The following SPTY2D1 variants were observed in gnomAD, a reference collection of about 807,000 sequenced individuals.
SPTY2D1 encodes protein SPT2 homolog.
SPTY2D1 carries 21 observed loss-of-function variants against 64.0 expected under a neutral mutation model. The observed-to-expected ratio is 0.33, with a 90% confidence interval of 0.23 to 0.47. SPTY2D1 has a LOEUF of 0.47. Among genes scored for constraint, SPTY2D1 ranks in the 20% least tolerant of loss-of-function variants. The pLI is 1.00. For synonymous variants in SPTY2D1, 287 were observed against 286.8 expected (o/e 1.00, Z -0.01); for missense variants, 724 against 837.2 (o/e 0.86, Z 1.67).
At chr11:18,620,804 G>A (rs974449601) in intron 1 of SPTY2D1, among the ~76,000 whole-genome samples, 4 of 147,228 alleles carry the variant, frequency 2.7e-5, no homozygotes, top group Non-Finnish European at 4.5e-5. Flanking sequence ...GGAGAATGGC[G>A]TGAACCTGGG....
chr11:18,610,094 C>T, intron 5 of SPTY2D1, 140 bp from the exon 6 acceptor site: 1 of 633,124 alleles, frequency 1.6e-6, no homozygotes, highest in Non-Finnish European at 2.6e-6. Context: ...CCACTGAAAA[C>T]AAACTAGCAG....
chr11:18,629,696 G>C (rs551110414), intron 1 of SPTY2D1, among the ~76,000 whole-genome samples: 236 of 152,196 alleles, frequency 1.6e-3, no homozygotes, highest in African/African-American at 5.5e-3. Context: ...TCATCACCTT[G>C]ATCAGCAGTT....
chr11:18,617,251 T>C (rs1378507836), intron 1 of SPTY2D1, among the ~76,000 whole-genome samples: 1 of 152,216 alleles, frequency 6.6e-6, no homozygotes, highest in Non-Finnish European at 1.5e-5. Context: ...AACACTGTTT[T>C]CAGGCTATTT....
rs186900982 is a variant in SPTY2D1 at position 18,609,198 on chromosome 11, A to G, written c.*663T>C. ...TAGAAAAGAATATTATACTGTTATA[A>G]CCTGTATTTTAACTTGAAAATTTTT... On this transcript the variant is annotated 3_prime_UTR_variant, in exon 6 of 6. Coordinates refer to ENST00000336349, the MANE Select transcript of SPTY2D1 (RefSeq NM_194285.3). The G allele has an allele frequency of 1.3e-5, 2 of 152,490 alleles. No individual in the cohort carries two copies. The highest frequency in any genetic ancestry group is 4.8e-5 in the African/African-American group (2 of 41,576). 9.4% of individuals were successfully genotyped at this position (152,490 alleles called of 1,614,324 possible).
At position 18,612,536 on chromosome 11, in the gene SPTY2D1, A is replaced by AT; in HGVS notation, c.1712-49dup. 6.8e-7 allele frequency: 1 copy of AT among 1,468,400 alleles called. No individual in the cohort carries two copies. The highest frequency in any genetic ancestry group is 9.1e-7 in the Non-Finnish European group (1 of 1,098,068). The allele number at this position is 1,468,400 out of a possible 1,614,324, so 91.0% of individuals were successfully genotyped here. On this transcript the variant is annotated intron_variant, in intron 3 of 5. Coordinates refer to ENST00000336349, the MANE Select transcript of SPTY2D1 (RefSeq NM_194285.3). The surrounding 1 kb of genome is among the most constrained non-coding windows in gnomAD (Gnocchi z 4.6). ...AATATTACAATTTAAAATAGTTCCAATGCAGTTCTATGTAAACTGAAATTG... is the reference window on the plus strand; with the variant it reads ...AATATTACAATTTAAAATAGTTCCAATTGCAGTTCTATGTAAACTGAAATTG...
At position 18,612,510 on chromosome 11, in the gene SPTY2D1, GA is replaced by G; in HGVS notation, c.1712-23del. On this transcript the variant is annotated intron_variant, in intron 3 of 5. Coordinates refer to ENST00000336349, the MANE Select transcript of SPTY2D1 (RefSeq NM_194285.3). The surrounding 1 kb of genome is among the most constrained non-coding windows in gnomAD (Gnocchi z 4.6). ...GGACCTAAGAAACCATTATTTATAA[GA>G]ATATTACAATTTAAAATAGTTCCAA... 6.4e-7 allele frequency: 1 copy of G among 1,555,178 alleles called. No individual in the cohort carries two copies. The highest frequency in any genetic ancestry group is 8.7e-7 in the Non-Finnish European group (1 of 1,155,522).
At position 18,616,875 on chromosome 11, in the gene SPTY2D1, C is replaced by T. The variant is rs1483851194; in HGVS notation, c.175G>A (p.Ala59Thr). ...KRKEEELRRKALEEKRRKEEL... is the reference protein window; with the variant it reads ...KRKEEELRRKTLEEKRRKEEL... ...TGAGAATAAGGCTATAGATACATAC[C>T]TTTTCGTCTCAGCTCCTCTTCTTTC... Residue 59 changes from alanine (A) to threonine (T), a missense_variant and splice_region_variant, in exon 2 of 6, where the codon GCC (alanine) becomes ACC (threonine). This residue lies in a region of SPTY2D1 where 179 missense variants were observed against 232.5 expected (regional missense o/e 0.77). Coordinates refer to ENST00000336349, the MANE Select transcript of SPTY2D1 (RefSeq NM_194285.3). 3.1e-6 allele frequency: 5 copies of T among 1,613,830 alleles called. No homozygotes were observed. Among genetic ancestry groups the T allele is most frequent in the Non-Finnish European group, 2.5e-6 (3 of 1,179,840 alleles).
chr11:18,626,495 T>C (rs1351079154), intron 1 of SPTY2D1, among the ~76,000 whole-genome samples: 1 of 151,860 alleles, frequency 6.6e-6, no homozygotes, highest in African/African-American at 2.4e-5. Context: ...GGGTTCAAGC[T>C]GTGTAGGTAA....
chr11:18,630,907 TGTCTTACTGCAACCTCC>T (rs1854576894), intron 1 of SPTY2D1, among the ~76,000 whole-genome samples: 1 of 152,186 alleles, frequency 6.6e-6, no homozygotes, highest in African/African-American at 2.4e-5. Flanking sequence ...CTGCAACCTC[TGTCTTACTGCAACCTCC>T]GCCTCTCAAG....
intron 4 of SPTY2D1, 130 bp from the exon 5 acceptor site, chr11:18,611,684 T>G: frequency 1.2e-6 from 1 of 805,168 alleles, no homozygotes; most frequent in Admixed American, 2.6e-5. Flanking sequence ...TATTCCTTGC[T>G]TGGCAGCGAG....
At chr11:18,627,210 C>G (rs927726934) in intron 1 of SPTY2D1, among the ~76,000 whole-genome samples, 4 of 141,074 alleles carry the variant, frequency 2.8e-5, no homozygotes, top group Non-Finnish European at 3.0e-5. Context: ...GTCAGGAATT[C>G]GAGACCAGCC....
At chr11:18,623,563 T>A (rs778141492) in intron 1 of SPTY2D1, among the ~76,000 whole-genome samples, 37 of 152,238 alleles carry the variant, frequency 2.4e-4, no homozygotes, top group Non-Finnish European at 4.9e-4. Flanking sequence ...TACAATCAGT[T>A]GACTTTAGGT....
At chr11:18,613,703 C>G (rs1236020782) in intron 3 of SPTY2D1, among the ~76,000 whole-genome samples, 1 of 152,162 alleles carries the variant, frequency 6.6e-6, no homozygotes, top group African/African-American at 2.4e-5. Flanking sequence ...TGGAGCCTAA[C>G]AAGTGCTTTA....
At chr11:18,623,698 C>T (rs1854453229) in intron 1 of SPTY2D1, among the ~76,000 whole-genome samples, 1 of 152,222 alleles carries the variant, frequency 6.6e-6, no homozygotes, top group South Asian at 2.1e-4. Flanking sequence ...GAACTCCTGC[C>T]TGATTTTCCA....
chr11:18,626,097 C>T (rs980625705), intron 1 of SPTY2D1, among the ~76,000 whole-genome samples: 3 of 152,140 alleles, frequency 2.0e-5, no homozygotes, highest in African/African-American at 4.8e-5. Context: ...GGATTACAGG[C>T]GTGAGCCACA....
Position 18,606,945 on chromosome 11 carries a change from C to T in SPTY2D1, c.*2916G>A. The T allele has an allele frequency of 3.4e-6, 1 of 297,266 alleles. No homozygotes were observed. The highest frequency in any genetic ancestry group is 2.8e-5 in the South Asian group (1 of 35,556). 18.4% of individuals were successfully genotyped at this position (297,266 alleles called of 1,614,324 possible). On this transcript the variant is annotated 3_prime_UTR_variant, in exon 6 of 6. Transcript: ENST00000336349. ...GTGCTATCTTGGCTGACTGCAACCT[C>T]CGCCTCCCAGGTTCTAGCGATTCTC... is the stretch of plus-strand genomic sequence containing the variant.
Position 18,608,054 on chromosome 11 carries a change from G to A in SPTY2D1, c.*1807C>T, listed in dbSNP as rs1383834785. ...TAAAAGCACATAAATGGCAGCAGAG[G>A]AATTGATGTTCTAAGCCTGTTTTAT... is the stretch of plus-strand genomic sequence containing the variant. On this transcript the variant is annotated 3_prime_UTR_variant, in exon 6 of 6. Transcript: ENST00000336349. 1.3e-5 allele frequency: 2 copies of A among 152,520 alleles called. No individual in the cohort carries two copies. The highest frequency in any genetic ancestry group is 3.8e-4 in the East Asian group (2 of 5,200). The allele number at this position is 152,520 out of a possible 1,614,324, so 9.4% of individuals were successfully genotyped here.
intron 1 of SPTY2D1, among the ~76,000 whole-genome samples, chr11:18,617,559 G>A (rs1023078256): frequency 6.9e-6 from 1 of 145,042 alleles, no homozygotes; most frequent in Non-Finnish European, 1.5e-5. Flanking sequence ...CCGGGAGGCA[G>A]AGGTTGCAGT....
At chr11:18,625,920 A>G (rs1267658619) in intron 1 of SPTY2D1, among the ~76,000 whole-genome samples, 2 of 151,678 alleles carry the variant, frequency 1.3e-5, no homozygotes, top group Non-Finnish European at 2.9e-5. Context: ...GGTTCAAGCA[A>G]TTCTCCTGCC....
Sources: allele counts gnomAD v4.1 joint callset (sites outside exome capture counted in the v4.1 genomes callset), GRCh38; gene constraint gnomAD v4.1.1; regional missense constraint gnomAD v4.1.1; non-coding constraint Gnocchi (gnomAD v3.1); transcripts MANE v1.5; gene names NCBI Gene and HGNC (gene_info 2026-07-23, HGNC 2026-07-21).